DUS3L: variants seen among roughly 807,000 people sequenced by gnomAD.
DUS3L encodes the protein dihydrouridine synthase 3 like, also known as tRNA-dihydrouridine(47) synthase [NAD(P)(+)]-like.
DUS3L carries 62 observed loss-of-function variants against 74.6 expected under a neutral mutation model. The observed-to-expected ratio is 0.83, with a 90% CI of 0.68 to 1.03. The LOEUF is 1.03. DUS3L is among the 50% of genes least tolerant of loss of function. The probability of loss-of-function intolerance (pLI) is 0.00; values close to 1 mark genes in which losing one functional copy is unlikely to be tolerated. For missense variants in DUS3L, 884 were observed against 924.4 expected, an observed-to-expected ratio of 0.96 and a Z score of 0.57; for synonymous variants, 433 against 395.7, an observed-to-expected ratio of 1.09 and a Z score of -1.12.
Position 5,785,718 on chromosome 19 carries a change from G to A in DUS3L, c.1636C>T (p.Arg546Cys), listed in dbSNP as rs1049218368. 7 of 1,611,968 alleles carry A rather than the reference G, an allele frequency of 4.3e-6. No homozygotes were observed. The highest frequency in any genetic ancestry group is 1.3e-5 in the African/African-American group (1 of 74,930). Residue 546 changes from arginine to cysteine, a missense_variant, in exon 11 of 13, where the codon CGC becomes TGC. By Grantham distance (180) the Arg-to-Cys change is radical. Coordinates refer to ENST00000309061, the MANE Select transcript of DUS3L (RefSeq NM_020175.3). ...GTGAAGTCCCGCAGGATGTCCAGGC[G>A]CTCGGACGACGAGATGTCCCAGTGC... ...QRHWDISSSE[R>C]LDILRDFTNY...
chr19:5,789,191 T>C lies in DUS3L; in HGVS notation c.900+16A>G, dbSNP rs1193654643. The C allele has an allele frequency of 2.0e-6, 3 of 1,515,500 alleles. No homozygotes were observed. The highest frequency in any genetic ancestry group is 2.6e-6 in the Non-Finnish European group (3 of 1,134,070). The allele number at this position is 1,515,500 out of a possible 1,614,324, so 93.9% of individuals were successfully genotyped here. Reference sequence around the variant, plus strand: ...AGATGGACAGATCTGCTACTGACGTTGTCCTCAACACGTACCCGCTTCTTC... The same window carrying C: ...AGATGGACAGATCTGCTACTGACGTCGTCCTCAACACGTACCCGCTTCTTC... On this transcript the variant is annotated intron_variant, in intron 3 of 12. Transcript: ENST00000309061.
chr19:5,785,916 C>A, intron 10 of DUS3L, 125 bp from the exon 11 acceptor site: 1 of 1,030,676 alleles, frequency 9.7e-7, no homozygotes, highest in Non-Finnish European at 1.4e-6. Context: ...AGTAAGCCTC[C>A]CAGCTGCATG....
chr19:5,785,209 G>C lies in DUS3L; in HGVS notation c.1947C>G (p.Tyr649Ter). 1 of 1,606,928 alleles carries C rather than the reference G, an allele frequency of 6.2e-7. No individual in the cohort carries two copies. The highest frequency in any genetic ancestry group is 8.5e-7 in the Non-Finnish European group (1 of 1,177,418). ...AFLPKHKANA[Y>*]K Reference sequence around the variant, plus strand: ...CCCCTGGGAAAGCCTGAGGCTACTTGTACGCGTTGGCCTTGTGCTTCGGCA... The same window carrying C: ...CCCCTGGGAAAGCCTGAGGCTACTTCTACGCGTTGGCCTTGTGCTTCGGCA... The change falls in exon 13 of 13, where the codon TAC (tyrosine) becomes TAG (stop). Residue 649 changes from tyrosine (Y) to a stop codon, truncating the protein, a stop_gained. Coordinates refer to ENST00000309061, the MANE Select transcript of DUS3L (RefSeq NM_020175.3). LOFTEE classifies it high-confidence loss of function.
intron 1 of DUS3L, 80 bp from the exon 2 acceptor site, chr19:5,790,415 G>C: frequency 6.5e-7 from 1 of 1,548,562 alleles, no homozygotes; most frequent in Non-Finnish European, 8.8e-7. Flanking sequence ...ACACTTGCAC[G>C]TCCTTAAATC....
chr19:5,790,444 T>G, intron 1 of DUS3L, 109 bp from the exon 2 acceptor site: 1 of 1,381,942 alleles, frequency 7.2e-7, no homozygotes, highest in Non-Finnish European at 9.9e-7. Flanking sequence ...GATGGGGAGC[T>G]CACTACTTAA....
rs1168882098 is a variant in DUS3L at position 5,787,452 on chromosome 19, G to A, written c.1213-91C>T. The A allele has an allele frequency of 2.2e-5, 34 of 1,522,970 alleles. 1 individual carries two copies. In the East Asian group the frequency reaches 2.5e-4, roughly 11 times the overall value. The allele number at this position is 1,522,970 out of a possible 1,614,324, so 94.3% of individuals were successfully genotyped here. ...TGCCCGGAGGCCCCCACCAGGAGAC[G>A]CCGACCTGCAGGAAAGGCAGGGACT... On this transcript the variant is annotated intron_variant, in intron 6 of 12. Coordinates refer to ENST00000309061, the MANE Select transcript of DUS3L (RefSeq NM_020175.3).
chr19:5,790,624 G>A (rs768635465), intron 1 of DUS3L, among the ~76,000 whole-genome samples: 58 of 152,170 alleles, frequency 3.8e-4, no homozygotes, highest in Non-Finnish European at 7.3e-4. Flanking sequence ...ATGCCTTGAA[G>A]CGGAGTCTAA....
chr19:5,785,389 C>T lies in DUS3L; in HGVS notation c.1874G>A (p.Arg625His), dbSNP rs780921432. The stretch of plus-strand genomic sequence containing the variant: ...CTCCAGCCCACCCAGGCACCTGATG[C>T]GGATCCAGTCGGCTGCCTTCTGGCT... ...MASQKAADWI[R>H]ISEMLLGPVP... The change falls in exon 12 of 13, where the codon CGC becomes CAC. Residue 625 changes from arginine to histidine, a missense_variant. Coordinates refer to ENST00000309061, the MANE Select transcript of DUS3L (RefSeq NM_020175.3). 31 of 1,596,392 alleles carry T rather than the reference C, an allele frequency of 1.9e-5. No homozygotes were observed. Among genetic ancestry groups the T allele is most frequent in the Admixed American group, 3.4e-5 (2 of 58,304 alleles).
At chr19:5,789,119 G>A (rs2056883143) in intron 3 of DUS3L, 88 bp downstream of exon 3, 56 of 1,479,362 alleles carry the variant, frequency 3.8e-5, no homozygotes, top group Non-Finnish European at 4.8e-5. Context: ...CTCCCAGGCA[G>A]CTAGAACAGG....
Position 5,787,140 on chromosome 19 carries a change from C to T in DUS3L, c.1310G>A (p.Arg437His), listed in dbSNP as rs747063877. 45 of 968,414 alleles carry T rather than the reference C, an allele frequency of 4.6e-5. No homozygotes were observed. Among genetic ancestry groups the T allele is most frequent in the East Asian group, 1.4e-4 (1 of 6,956 alleles). 60.0% of individuals were successfully genotyped at this position (968,414 alleles called of 1,614,324 possible). Residue 437 changes from arginine to histidine, a missense_variant, in exon 8 of 13, where the codon CGC (arginine) becomes CAC (histidine). Arg to His is a conservative substitution (Grantham distance 29, BLOSUM62 0). Transcript: ENST00000309061. ...VLDVPLTVKI[R>H]TGVQERVNLA... ...GTTCACACGCTCCTGGACGCCTGTGCGGATCTTCACAGTCAGCGGCACATC... is the reference window on the plus strand; with the variant it reads ...GTTCACACGCTCCTGGACGCCTGTGTGGATCTTCACAGTCAGCGGCACATC...
chr19:5,790,693 C>T (rs1025211851), intron 1 of DUS3L: 5 of 542,030 alleles, frequency 9.2e-6, no homozygotes, highest in Admixed American at 3.3e-5. Context: ...CCCAGCACGC[C>T]CCGCGGCACT....
At chr19:5,787,873 A>T (rs2056869738) in intron 5 of DUS3L, 151 bp downstream of exon 5, 1 of 1,437,550 alleles carries the variant, frequency 7.0e-7, no homozygotes, top group African/African-American at 1.4e-5. Flanking sequence ...GGCCACGGCC[A>T]TCAGCCCCCA....
At position 5,791,158 on chromosome 19, in the gene DUS3L, C is replaced by A. The variant is rs1230377892; in HGVS notation, c.-17G>T. The A allele has an allele frequency of 1.3e-6, 2 of 1,588,984 alleles. No homozygotes were observed. Among genetic ancestry groups the A allele is most frequent in the East Asian group, 2.3e-5 (1 of 43,782 alleles). ...CTCCGCCATCGGCGCCCCTCACATC[C>A]GCTCTGGAGTGTGGCGGGAAGACCT... is the stretch of plus-strand genomic sequence containing the variant. On this transcript the variant is annotated 5_prime_UTR_variant, in exon 1 of 13. Transcript: ENST00000309061.
chr19:5,791,081 C>A lies in DUS3L; in HGVS notation c.61G>T (p.Gly21Ter). ...ENGGGGDSGA[G>*]ALERGVAPIK... ...GGCGCCACTCCTCGTTCCAAAGCTC[C>A]GGCTCCCGAGTCGCCACCACCACCA... Residue 21 changes from glycine (G) to a stop codon, truncating the protein, a stop_gained, in exon 1 of 13, where the codon GGA (glycine) becomes TGA (stop). Coordinates refer to ENST00000309061, the MANE Select transcript of DUS3L (RefSeq NM_020175.3). LOFTEE classifies it high-confidence loss of function. 6.2e-7 allele frequency: 1 copy of A among 1,608,008 alleles called. No homozygotes were observed. Among genetic ancestry groups the A allele is most frequent in the South Asian group, 1.1e-5 (1 of 89,698 alleles).
At position 5,785,836 on chromosome 19, in the gene DUS3L, T is replaced by C. The variant is rs1275006573; in HGVS notation, c.1563-45A>G. 2.0e-6 allele frequency: 3 copies of C among 1,507,388 alleles called. No homozygotes were observed. In the African/African-American group the frequency reaches 4.1e-5, roughly 21 times the overall value. The allele number at this position is 1,507,388 out of a possible 1,614,324, so 93.4% of individuals were successfully genotyped here. On this transcript the variant is annotated intron_variant, in intron 10 of 12. Coordinates refer to ENST00000309061, the MANE Select transcript of DUS3L (RefSeq NM_020175.3). ...CAGTGGGCCCAGCCACCAGCCTGCCTGGGATCGTGTGGCCTCTGCTTCCAT... is the reference window on the plus strand; with the variant it reads ...CAGTGGGCCCAGCCACCAGCCTGCCCGGGATCGTGTGGCCTCTGCTTCCAT...
chr19:5,789,028 C>T, intron 3 of DUS3L, 179 bp downstream of exon 3: 1 of 892,870 alleles, frequency 1.1e-6, no homozygotes, highest in Non-Finnish European at 1.6e-6. Flanking sequence ...TTTCTGTCCC[C>T]ACCTCCTGAG....
chr19:5,785,953 T>C, intron 10 of DUS3L, 162 bp from the exon 11 acceptor site: 1 of 764,596 alleles, frequency 1.3e-6, no homozygotes, highest in Middle Eastern at 3.9e-4. Flanking sequence ...CACAGGACTT[T>C]CTTTTGTTTT....
intron 12 of DUS3L, 53 bp downstream of exon 12, chr19:5,785,330 C>T: frequency 6.2e-7 from 1 of 1,608,796 alleles, no homozygotes; most frequent in South Asian, 1.1e-5. Flanking sequence ...AAAGTACCCT[C>T]CGTGACCCCG....
At chr19:5,790,419 T>G in intron 1 of DUS3L, 84 bp from the exon 2 acceptor site, 1 of 1,534,456 alleles carries the variant, frequency 6.5e-7, no homozygotes, top group Non-Finnish European at 8.9e-7. Context: ...TTGCACGTCC[T>G]TAAATCCTTC....
Sources: allele counts gnomAD v4.1 joint callset (sites outside exome capture counted in the v4.1 genomes callset), GRCh38; gene constraint gnomAD v4.1.1; transcripts MANE v1.5; gene names NCBI Gene and HGNC (gene_info 2026-07-23, HGNC 2026-07-21).